Variants in STK33 observed in about 807,000 individuals in gnomAD.
The protein encoded by STK33 is serine/threonine-protein kinase 33.
In STK33, 52 loss-of-function variants were observed where a neutral mutation model predicts 58.0. The ratio of observed to expected loss-of-function variants is 0.90; its 90% CI spans 0.72 to 1.13. STK33 has a LOEUF of 1.13. Ranked by LOEUF, STK33 falls within the 50% of genes most tolerant of loss-of-function variation. STK33 has a pLI of 0.00. For synonymous variants in STK33, 215 were observed against 200.1 expected (o/e 1.07, Z -0.63); for missense variants, 630 against 604.2 (o/e 1.04, Z -0.45).
intron 7 of STK33, among the ~76,000 whole-genome samples, chr11:8,462,936 C>T (rs1429342973): frequency 5.3e-5 from 8 of 152,060 alleles, no homozygotes; most frequent in Non-Finnish European, 1.0e-4. Context: ...TAAAAAAGGT[C>T]CTATTCCTCC....
At chr11:8,363,410 G>C in the STK33 span, among the ~76,000 whole-genome samples, 1 of 152,124 alleles carries the variant, frequency 6.6e-6, no homozygotes, top group African/African-American at 2.4e-5. Context: ...ATCAAGATCT[G>C]GAATATATCC....
At chr11:8,510,103 T>C (rs908599116) in intron 1 of STK33, among the ~76,000 whole-genome samples, 16 of 152,212 alleles carry the variant, frequency 1.1e-4, no homozygotes, top group African/African-American at 3.9e-4. Context: ...GTAGTTGTAC[T>C]AGTTTACATT....
At position 8,553,201 on chromosome 11, in the gene STK33, G is replaced by GTATA. The variant is rs60137762; in HGVS notation, c.-466+40878_-466+40881dup. 7.6e-3 allele frequency among the ~76,000 whole-genome samples: 466 copies of GTATA among 61,112 alleles called. 8 individuals are homozygous for GTATA. Among genetic ancestry groups the GTATA allele is most frequent in the African/African-American group, 0.013 (163 of 12,272 alleles). 40.1% of individuals were successfully genotyped at this position (61,112 alleles called of 152,430 possible). A position where few individuals can be genotyped will look rare whatever the true frequency, so the allele number is the denominator to read the frequency against. On this transcript the variant is annotated intron_variant, in intron 1 of 15. Transcript: ENST00000687296. Reference sequence around the variant, plus strand: ...ATATATATATATATATATATATGGTGTATATATATATATATATATATATGG... The same window carrying GTATA: ...ATATATATATATATATATATATGGTGTATATATATATATATATATATATATATGG...
At chr11:8,337,199 G>A in the STK33 span, among the ~76,000 whole-genome samples, 1 of 152,238 alleles carries the variant, frequency 6.6e-6, no homozygotes, top group African/African-American at 2.4e-5. Flanking sequence ...GAAAGGAGAT[G>A]TTCAAAGGCA....
At chr11:8,545,928 A>G (rs1591724822) in intron 1 of STK33, among the ~76,000 whole-genome samples, 1 of 152,186 alleles carries the variant, frequency 6.6e-6, no homozygotes, top group Non-Finnish European at 1.5e-5. Context: ...AGATGGGCCA[A>G]CCTACTACAC....
chr11:8,413,146 C>T (rs10840037), intron 15 of STK33, among the ~76,000 whole-genome samples: 24,561 of 152,100 alleles, frequency 0.16, 2,485 homozygotes, highest in East Asian at 0.3. Context: ...TGGAACATGG[C>T]CACACTCATT....
At chr11:8,426,355 T>G (rs892249498) in intron 14 of STK33, among the ~76,000 whole-genome samples, 1 of 152,182 alleles carries the variant, frequency 6.6e-6, no homozygotes, top group Non-Finnish European at 1.5e-5. Flanking sequence ...CAGCTGCTTG[T>G]GCGTCTGCCT....
At chr11:8,397,922 A>G (rs1849655951) in intron 15 of STK33, among the ~76,000 whole-genome samples, 1 of 152,214 alleles carries the variant, frequency 6.6e-6, no homozygotes, top group African/African-American at 2.4e-5. Flanking sequence ...AAAAGAATAA[A>G]AAGAAACGAA....
At chr11:8,523,361 G>A (rs1410943593) in intron 1 of STK33, among the ~76,000 whole-genome samples, 6 of 150,630 alleles carry the variant, frequency 4.0e-5, no homozygotes, top group African/African-American at 7.3e-5. Flanking sequence ...GTCTCTGCCC[G>A]GCCGCCCATC....
At chr11:8,459,109 T>A (rs1465182639) in intron 8 of STK33, among the ~76,000 whole-genome samples, 1 of 152,226 alleles carries the variant, frequency 6.6e-6, no homozygotes, top group Non-Finnish European at 1.5e-5. Context: ...TAGCAGTACT[T>A]GAAATATAAA....
chr11:8,445,714 A>G (rs1348521614), intron 11 of STK33, among the ~76,000 whole-genome samples: 1 of 152,232 alleles, frequency 6.6e-6, no homozygotes, highest in Non-Finnish European at 1.5e-5. Flanking sequence ...CCAGCCTTGC[A>G]TCCCAGAGAT....
intron 13 of STK33, 95 bp downstream of exon 13, chr11:8,435,932 A>G (rs1944007764): frequency 1.6e-6 from 1 of 606,400 alleles, no homozygotes; most frequent in Non-Finnish European, 2.6e-6. Flanking sequence ...AGTAAATTTA[A>G]TGACTAAACA....
intron 1 of STK33, among the ~76,000 whole-genome samples, chr11:8,558,832 G>A (rs1956938908): frequency 6.6e-6 from 1 of 152,174 alleles, no homozygotes; most frequent in African/African-American, 2.4e-5. Flanking sequence ...ATATATCAAT[G>A]GCATTGCAGC....
At chr11:8,571,196 C>A (rs1957784309) in intron 1 of STK33, among the ~76,000 whole-genome samples, 1 of 152,150 alleles carries the variant, frequency 6.6e-6, no homozygotes. Flanking sequence ...CCGAAATCTG[C>A]AGGAGCATGC....
rs571639536 is a variant in STK33 at position 8,491,779 on chromosome 11, A to G, written c.-465-11165T>C. 2.4e-3 allele frequency among the ~76,000 whole-genome samples: 361 copies of G among 152,322 alleles called. 1 individual carries two copies. Among genetic ancestry groups the G allele is most frequent in the African/African-American group, 8.2e-3 (341 of 41,586 alleles). ...AAACTCTACAAGCCAGAAGAGAGTG[A>G]GAGCCAATATTCAACATTCTTAAAG... On this transcript the variant is annotated intron_variant, in intron 1 of 15. Transcript: ENST00000687296.
chr11:8,374,048 A>C, the STK33 span, among the ~76,000 whole-genome samples: 1 of 152,240 alleles, frequency 6.6e-6, no homozygotes, highest in African/African-American at 2.4e-5. Context: ...CACAATGCTT[A>C]TGTGTGTCTT....
chr11:8,392,536 G>C lies in STK33; in HGVS notation c.1519C>G (p.Leu507Val). Residue 507 changes from leucine (L) to valine (V), a missense_variant, in exon 16 of 16, where the codon CTG becomes GTG. By Grantham distance (32) the Leu-to-Val change is conservative (BLOSUM62 1). Transcript: ENST00000687296. ...ATKYPAKSGA[L>V]SRTKKKL ...TAGAGTTTCTTTTTGGTTCTGGACA[G>C]GGCGCCGGATTTAGCAGGGTACTTG... 6.2e-7 allele frequency: 1 copy of C among 1,603,694 alleles called. No individual in the cohort carries two copies. Among genetic ancestry groups the C allele is most frequent in the Non-Finnish European group, 8.5e-7 (1 of 1,171,954 alleles).
At chr11:8,592,991 A>G (rs895865164) in intron 1 of STK33, among the ~76,000 whole-genome samples, 1 of 152,198 alleles carries the variant, frequency 6.6e-6, no homozygotes, top group African/African-American at 2.4e-5. Flanking sequence ...AGAGACAGAG[A>G]TACTCAAATG....
chr11:8,564,072 G>A (rs575493182), intron 1 of STK33, among the ~76,000 whole-genome samples: 17 of 152,292 alleles, frequency 1.1e-4, no homozygotes, highest in South Asian at 6.2e-4. Context: ...TTTCAGGAGC[G>A]GAGTGGCATA....
Sources: gnomAD v4.1 joint callset for allele counts (sites outside exome capture counted in the v4.1 genomes callset) on GRCh38, gnomAD v4.1.1 for gene constraint, MANE v1.5 for transcripts, NCBI Gene and HGNC (gene_info 2026-07-23, HGNC 2026-07-21) for gene names.